Variants in PDE4D observed in about 807,000 individuals in gnomAD.
PDE4D encodes 3',5'-cyclic-AMP phosphodiesterase 4D.
In PDE4D, 24 loss-of-function variants were observed where a neutral mutation model predicts 87.4. The observed-to-expected ratio is 0.27, with a 90% CI of 0.20 to 0.39. PDE4D has a LOEUF of 0.39. Among genes scored for constraint, PDE4D ranks in the 10% least tolerant of loss-of-function variants. The pLI, the probability that PDE4D is intolerant of heterozygous loss-of-function variation, is 1.00. For synonymous variants in PDE4D, 384 were observed against 383.2 expected (o/e 1.00, Z -0.02); for missense variants, 714 against 1,041.0 (o/e 0.69, Z 4.32).
intron 1 of PDE4D, among the ~76,000 whole-genome samples, chr5:59,591,016 A>T (rs552119975): frequency 2.1e-4 from 32 of 152,260 alleles, no homozygotes; most frequent in African/African-American, 7.7e-4. Flanking sequence ...ATGGTTTTTC[A>T]AAGTTGCATC....
chr5:59,188,943 A>T (rs1278781188), intron 3 of PDE4D, among the ~76,000 whole-genome samples: 2 of 152,190 alleles, frequency 1.3e-5, no homozygotes. Flanking sequence ...AAGAAAAGCT[A>T]AAAATTTAGC....
chr5:58,993,379 T>C lies in PDE4D; in HGVS notation c.1008A>G (p.Thr336=). 6.4e-7 allele frequency: 1 copy of C among 1,559,700 alleles called. No individual in the cohort carries two copies. Among genetic ancestry groups the C allele is most frequent in the South Asian group, 1.2e-5 (1 of 82,916 alleles). ...GNQVSEFISN[T]FLDKQHEVEI... ...GCATGTTGTTATTCTCACCTAAGAATGTGTTTGATATAAACTCTGACACTT... is the reference window on the plus strand; with the variant it reads ...GCATGTTGTTATTCTCACCTAAGAACGTGTTTGATATAAACTCTGACACTT... Residue 336 remains threonine (T), a synonymous_variant, in exon 7 of 15, where the codon ACA becomes ACG. Transcript: ENST00000340635.
intron 1 of PDE4D, among the ~76,000 whole-genome samples, chr5:60,441,002 A>G (rs1307905969): frequency 3.3e-5 from 5 of 152,116 alleles, no homozygotes; most frequent in Non-Finnish European, 7.4e-5. Context: ...AAGATCTTTG[A>G]GCAAGAATGT....
At chr5:60,435,947 G>A (rs1744725827) in intron 1 of PDE4D, among the ~76,000 whole-genome samples, 1 of 152,014 alleles carries the variant, frequency 6.6e-6, no homozygotes, top group African/African-American at 2.4e-5. Flanking sequence ...TGGTTTATAG[G>A]TTTCAGGACA....
chr5:60,122,362 C>T (rs1229730361), intron 2 of PDE4D, among the ~76,000 whole-genome samples: 2 of 152,242 alleles, frequency 1.3e-5, no homozygotes, highest in Non-Finnish European at 1.5e-5. Flanking sequence ...CATGAGGGCC[C>T]TGCCCCTGCA....
rs112628981 is a variant in PDE4D, at chr5:59,306,354, A to T, written c.456-90386T>A. ...GTTCTTATCCATTCTGCAGTTCTGC[A>T]TCTTTTAAGTGGAGCATTTAGGCCA... On this transcript the variant is annotated intron_variant, in intron 1 of 14. Transcript: ENST00000340635. Among the ~76,000 whole-genome samples, 1,437 of 152,288 alleles carry T rather than the reference A, an allele frequency of 9.4e-3. 9 individuals carry two copies. Among genetic ancestry groups the T allele is most frequent in the Non-Finnish European group, 0.012 (831 of 68,020 alleles).
At chr5:60,390,202 C>A (rs1332528847) in intron 1 of PDE4D, among the ~76,000 whole-genome samples, 2 of 152,164 alleles carry the variant, frequency 1.3e-5, no homozygotes, top group Admixed American at 6.5e-5. Context: ...GAGCTCTGTG[C>A]AGCCTGCTTG....
intron 1 of PDE4D, among the ~76,000 whole-genome samples, chr5:59,251,862 T>C (rs75703927): frequency 0.046 from 6,970 of 152,140 alleles, 218 homozygotes; most frequent in African/African-American, 0.087. Flanking sequence ...AAGAATGAGA[T>C]CATGTCTTTT....
At chr5:60,496,272 C>A (rs143591519) in intron 1 of PDE4D, among the ~76,000 whole-genome samples, 1 of 152,092 alleles carries the variant, frequency 6.6e-6, no homozygotes. Context: ...TCTTCCAAAC[C>A]GAGAGGGAAA....
At chr5:60,217,359 A>G (rs1193924184) in intron 1 of PDE4D, among the ~76,000 whole-genome samples, 1 of 152,000 alleles carries the variant, frequency 6.6e-6, no homozygotes. Context: ...AACATTATGA[A>G]TGTTTTTATT....
chr5:59,930,793 T>C (rs1188053485), intron 3 of PDE4D, among the ~76,000 whole-genome samples: 1 of 152,192 alleles, frequency 6.6e-6, no homozygotes, highest in Non-Finnish European at 1.5e-5. Flanking sequence ...TTTAGAGTCA[T>C]TGAAAGAAAT....
intron 6 of PDE4D, among the ~76,000 whole-genome samples, chr5:59,030,975 A>G (rs961675960): frequency 2.0e-5 from 3 of 152,062 alleles, no homozygotes; most frequent in African/African-American, 4.8e-5. Context: ...TCCACTAGCC[A>G]TTCTTCCTGA....
intron 1 of PDE4D, among the ~76,000 whole-genome samples, chr5:59,525,723 G>C (rs1812991591): frequency 6.6e-6 from 1 of 152,186 alleles, no homozygotes; most frequent in Non-Finnish European, 1.5e-5. Flanking sequence ...AACCTCATGG[G>C]AGGTGATTAG....
At chr5:60,305,314 C>T (rs1016361310) in intron 1 of PDE4D, among the ~76,000 whole-genome samples, 4 of 151,850 alleles carry the variant, frequency 2.6e-5, no homozygotes, top group Non-Finnish European at 5.9e-5. Flanking sequence ...AGGAAGATTA[C>T]ATAGAAATTA....
chr5:58,980,431 A>G (rs1256857847), intron 11 of PDE4D, among the ~76,000 whole-genome samples: 1 of 152,204 alleles, frequency 6.6e-6, no homozygotes, highest in Non-Finnish European at 1.5e-5. Context: ...AACATGAACC[A>G]GGAAATCAAC....
At chr5:59,852,746 T>A (rs554941458) in intron 1 of PDE4D, among the ~76,000 whole-genome samples, 17 of 152,018 alleles carry the variant, frequency 1.1e-4, no homozygotes, top group African/African-American at 4.1e-4. Flanking sequence ...AAGAGGTGTA[T>A]AAGACAGTTT....
intron 1 of PDE4D, among the ~76,000 whole-genome samples, chr5:60,341,701 A>AAAAGGGCACCTT (rs1758333718): frequency 6.6e-6 from 1 of 152,192 alleles, no homozygotes; most frequent in Non-Finnish European, 1.5e-5. Context: ...CTGTGTTGCT[A>AAAAGGGCACCTT]TTACCCTGCC....
At chr5:59,331,538 G>T (rs1776725526) in intron 1 of PDE4D, among the ~76,000 whole-genome samples, 1 of 152,132 alleles carries the variant, frequency 6.6e-6, no homozygotes, top group African/African-American at 2.4e-5. Context: ...TAGGACTTCA[G>T]CATATGACTT....
intron 5 of PDE4D, among the ~76,000 whole-genome samples, chr5:59,062,581 A>C (rs931529824): frequency 6.6e-6 from 1 of 151,992 alleles, no homozygotes; most frequent in Non-Finnish European, 1.5e-5. Flanking sequence ...TGATGTGTGC[A>C]GTTTTCTCTC....
Sources: allele counts gnomAD v4.1 joint callset (sites outside exome capture counted in the v4.1 genomes callset), GRCh38; gene constraint gnomAD v4.1.1; transcripts MANE v1.5; gene names NCBI Gene and HGNC (gene_info 2026-07-23, HGNC 2026-07-21).